The following FMNL2 variants were observed in gnomAD, a reference collection of about 807,000 sequenced individuals.
FMNL2 encodes formin-like protein 2.
FMNL2 carries 51 observed loss-of-function variants against 130.2 expected under a neutral mutation model. That is an observed-to-expected ratio of 0.39 (90% CI 0.31 to 0.49). FMNL2 has a LOEUF of 0.49. Among genes scored for constraint, FMNL2 ranks in the 20% least tolerant of loss-of-function variants. FMNL2 has a pLI of 0.85. For synonymous variants in FMNL2, 465 were observed against 467.1 expected (o/e 1.00, Z 0.06); for missense variants, 977 against 1,316.2 (o/e 0.74, Z 3.99).
chr2:152,410,217 C>T (rs1579597138), intron 1 of FMNL2, among the ~76,000 whole-genome samples: 7 of 152,166 alleles, frequency 4.6e-5, no homozygotes, highest in Admixed American at 4.6e-4. Flanking sequence ...TGCCTTTGTG[C>T]CATGCTTTGG....
chr2:152,403,609 CT>C (rs1284568461), intron 1 of FMNL2, among the ~76,000 whole-genome samples: 1 of 151,560 alleles, frequency 6.6e-6, no homozygotes, highest in Non-Finnish European at 1.5e-5. Context: ...TCCTCTTTGA[CT>C]TTTTGTGTGC....
chr2:152,384,293 C>A (rs1474743238), intron 1 of FMNL2, among the ~76,000 whole-genome samples: 2 of 152,198 alleles, frequency 1.3e-5, no homozygotes, highest in Non-Finnish European at 2.9e-5. Context: ...GTTGTACTTA[C>A]ACATTTTCCT....
intron 9 of FMNL2, among the ~76,000 whole-genome samples, 173 bp from the exon 10 acceptor site, chr2:152,607,166 T>C (rs1439847442): frequency 9.2e-5 from 14 of 152,152 alleles, no homozygotes; most frequent in Admixed American, 9.2e-4. Context: ...CAGCTTTTGG[T>C]TGCAGCTCAT....
At chr2:152,413,327 C>T (rs1000824393) in intron 1 of FMNL2, among the ~76,000 whole-genome samples, 2 of 151,910 alleles carry the variant, frequency 1.3e-5, no homozygotes, top group Admixed American at 6.6e-5. Context: ...GCATTCCTGA[C>T]ATGCTTAAAA....
chr2:152,340,787 G>C (rs1367599300), intron 1 of FMNL2, among the ~76,000 whole-genome samples: 1 of 152,166 alleles, frequency 6.6e-6, no homozygotes, highest in Admixed American at 6.5e-5. Flanking sequence ...TGCTACCCGG[G>C]TTCAAGTGAT....
intron 1 of FMNL2, among the ~76,000 whole-genome samples, chr2:152,486,804 G>A (rs1690852193): frequency 6.6e-6 from 1 of 152,128 alleles, no homozygotes; most frequent in Non-Finnish European, 1.5e-5. Context: ...ATCAGATTCA[G>A]AATAAAAAAG....
chr2:152,413,286 T>G (rs1192481146), intron 1 of FMNL2, among the ~76,000 whole-genome samples: 2 of 152,140 alleles, frequency 1.3e-5, no homozygotes, highest in East Asian at 3.9e-4. Flanking sequence ...TGTATTGTCC[T>G]TGAGGAGTAA....
At chr2:152,479,869 C>T (rs1023667189) in intron 1 of FMNL2, among the ~76,000 whole-genome samples, 1 of 151,812 alleles carries the variant, frequency 6.6e-6, no homozygotes, top group South Asian at 2.1e-4. Flanking sequence ...TGCCACCGCA[C>T]CTGGTTAATT....
chr2:152,514,728 T>A (rs1692665662), intron 1 of FMNL2, among the ~76,000 whole-genome samples: 1 of 152,192 alleles, frequency 6.6e-6, no homozygotes, highest in African/African-American at 2.4e-5. Context: ...TGTAACAATA[T>A]ACTATAATAA....
chr2:152,618,411 C>T (rs1699065567), intron 13 of FMNL2, among the ~76,000 whole-genome samples: 1 of 152,130 alleles, frequency 6.6e-6, no homozygotes, highest in Admixed American at 6.5e-5. Context: ...TTTTTAATCC[C>T]AGTCTGATTT....
At chr2:152,456,335 T>C (rs1434742537) in intron 1 of FMNL2, among the ~76,000 whole-genome samples, 1 of 152,192 alleles carries the variant, frequency 6.6e-6, no homozygotes. Context: ...TTACCTGTTT[T>C]AGTGAGTCAG....
At chr2:152,410,070 G>C (rs527500126) in intron 1 of FMNL2, among the ~76,000 whole-genome samples, 1 of 152,076 alleles carries the variant, frequency 6.6e-6, no homozygotes, top group Non-Finnish European at 1.5e-5. Flanking sequence ...GTTCTGTCTC[G>C]GTCATGTTTA....
chr2:152,388,141 A>G (rs987659910), intron 1 of FMNL2, among the ~76,000 whole-genome samples: 1 of 152,224 alleles, frequency 6.6e-6, no homozygotes, highest in African/African-American at 2.4e-5. Context: ...AGATCTGAAG[A>G]GACATAATTG....
chr2:152,570,300 A>G (rs1696105397), intron 6 of FMNL2, among the ~76,000 whole-genome samples: 1 of 152,210 alleles, frequency 6.6e-6, no homozygotes, highest in Admixed American at 6.5e-5. Flanking sequence ...TTTGAATGCT[A>G]GGGTAACATT....
chr2:152,453,386 T>G (rs1225909597), intron 1 of FMNL2, among the ~76,000 whole-genome samples: 1 of 152,182 alleles, frequency 6.6e-6, no homozygotes, highest in African/African-American at 2.4e-5. Flanking sequence ...GTGTCATGTT[T>G]GAACTGTGAC....
intron 6 of FMNL2, among the ~76,000 whole-genome samples, chr2:152,563,743 AC>A (rs1266033520): frequency 2.0e-5 from 3 of 150,824 alleles, no homozygotes; most frequent in Non-Finnish European, 2.9e-5. Context: ...CTCCTCTTCT[AC>A]TTTGTCCTTT....
At chr2:152,544,181 C>A (rs779313504) in intron 3 of FMNL2, among the ~76,000 whole-genome samples, 3 of 152,136 alleles carry the variant, frequency 2.0e-5, no homozygotes, top group Admixed American at 6.6e-5. Context: ...CTTTGGGAAG[C>A]TAAGGTGGGT....
chr2:152,495,472 A>G (rs569687727), intron 1 of FMNL2, among the ~76,000 whole-genome samples: 2 of 151,874 alleles, frequency 1.3e-5, no homozygotes, highest in African/African-American at 2.4e-5. Context: ...CAACATGGCA[A>G]AACACCGTCT....
At chr2:152,608,697 C>T (rs535754617) in intron 10 of FMNL2, among the ~76,000 whole-genome samples, 48 of 151,892 alleles carry the variant, frequency 3.2e-4, no homozygotes, top group Admixed American at 1.1e-3. Context: ...GTGATAAATA[C>T]GTAAAGAGAT....
Sources: allele counts gnomAD v4.1 joint callset (sites outside exome capture counted in the v4.1 genomes callset), GRCh38; gene constraint gnomAD v4.1.1; transcripts MANE v1.5; gene names NCBI Gene and HGNC (gene_info 2026-07-23, HGNC 2026-07-21).